MAN1A1: variants seen among roughly 807,000 people sequenced by gnomAD.
The protein encoded by MAN1A1 is mannosidase alpha class 1A member 1.
In MAN1A1, 29 loss-of-function variants were observed where a neutral mutation model predicts 70.8. That is an observed-to-expected ratio of 0.41 (90% CI 0.31 to 0.56). The LOEUF (loss-of-function observed/expected upper bound fraction) is 0.56, where lower values mean the gene tolerates loss of function less well. MAN1A1 is among the 20% of genes least tolerant of loss of function. The pLI, the probability that MAN1A1 is intolerant of heterozygous loss-of-function variation, is 0.29. For missense variants in MAN1A1, 747 were observed against 841.3 expected, an observed-to-expected ratio of 0.89 and a Z score of 1.39; for synonymous variants, 349 against 330.1, an observed-to-expected ratio of 1.06 and a Z score of -0.62.
At chr6:119,223,991 C>G (rs1313095423) in intron 6 of MAN1A1, among the ~76,000 whole-genome samples, 2 of 152,066 alleles carry the variant, frequency 1.3e-5, no homozygotes, top group African/African-American at 2.4e-5. Flanking sequence ...TTAAAAAAAT[C>G]TGATTTTAAA....
chr6:119,294,414 G>A (rs1458975598), intron 4 of MAN1A1, among the ~76,000 whole-genome samples: 1 of 152,106 alleles, frequency 6.6e-6, no homozygotes, highest in Non-Finnish European at 1.5e-5. Context: ...AAAGCAGCCT[G>A]TAACACTAAA....
intron 6 of MAN1A1, among the ~76,000 whole-genome samples, chr6:119,229,791 C>T (rs1345097634): frequency 6.6e-6 from 1 of 152,116 alleles, no homozygotes; most frequent in Non-Finnish European, 1.5e-5. Flanking sequence ...CATATATCTG[C>T]CCGTTCTGAC....
chr6:119,247,622 G>T (rs1468216978), intron 6 of MAN1A1, among the ~76,000 whole-genome samples: 2 of 152,164 alleles, frequency 1.3e-5, no homozygotes, highest in Non-Finnish European at 2.9e-5. Flanking sequence ...CAGAAAGTCT[G>T]TTCAGCCTGG....
rs138971425 is a variant in MAN1A1 at position 119,316,216 on chromosome 6, T to C, written c.604-9224A>G. ...TTTTGAGATGGAGTTTTGCTCTTGT[T>C]GCCCAGGCTGGAATGCAGTGGCGCG... On this transcript the variant is annotated intron_variant, in intron 2 of 12. Coordinates refer to ENST00000368468, the MANE Select transcript of MAN1A1 (RefSeq NM_005907.4). Among the ~76,000 whole-genome samples, 760 of 151,098 alleles carry C rather than the reference T, an allele frequency of 5.0e-3. 28 individuals carry two copies. In the East Asian group the frequency reaches 0.084, roughly 17 times the overall value.
At chr6:119,232,372 CAAA>C (rs71015028) in intron 6 of MAN1A1, among the ~76,000 whole-genome samples, 3 of 89,376 alleles carry the variant, frequency 3.4e-5, no homozygotes, top group Non-Finnish European at 4.2e-5. Flanking sequence ...GACTCTGTCT[CAAA>C]AAAAAAAAAA....
rs1319289412 is a variant in MAN1A1, at chr6:119,243,985, T to C, written c.992+4275A>G. On this transcript the variant is annotated intron_variant, in intron 6 of 12. Transcript: ENST00000368468. ...TACAGAGAAGTGATAAAATAGTGTA[T>C]AGCTAAAACTAACTCATTTATCAAG... Among the ~76,000 whole-genome samples, 5 of 152,170 alleles carry C rather than the reference T, an allele frequency of 3.3e-5. No homozygotes were observed. In the East Asian group the frequency reaches 7.7e-4, roughly 23 times the overall value.
chr6:119,316,555 A>T (rs1372410762), intron 2 of MAN1A1, among the ~76,000 whole-genome samples: 1 of 152,096 alleles, frequency 6.6e-6, no homozygotes. Flanking sequence ...AACAAATACT[A>T]TTTTCATGTA....
intron 2 of MAN1A1, among the ~76,000 whole-genome samples, chr6:119,319,979 CTTTTTT>C (rs951470006): frequency 6.8e-6 from 1 of 146,340 alleles, no homozygotes; most frequent in East Asian, 2.0e-4. Context: ...GTGGTATCTT[CTTTTTT>C]TTTTTAAGAG....
At chr6:119,334,378 A>G (rs527288570) in intron 2 of MAN1A1, among the ~76,000 whole-genome samples, 1 of 152,366 alleles carries the variant, frequency 6.6e-6, no homozygotes, top group Non-Finnish European at 1.5e-5. Flanking sequence ...AAATACTTTA[A>G]AAGTTAAAAA....
intron 6 of MAN1A1, among the ~76,000 whole-genome samples, chr6:119,242,404 T>C (rs1474383352): frequency 1.3e-5 from 2 of 152,094 alleles, no homozygotes; most frequent in African/African-American, 4.8e-5. Flanking sequence ...TAAACCACAT[T>C]GAGACATTCT....
intron 6 of MAN1A1, among the ~76,000 whole-genome samples, chr6:119,223,531 T>C (rs1774423294): frequency 6.6e-6 from 1 of 152,172 alleles, no homozygotes. Context: ...AATTCATTTC[T>C]AGAAATTTGC....
Position 119,320,267 on chromosome 6 carries a change from C to T in MAN1A1, c.604-13275G>A, listed in dbSNP as rs868848776. Among the ~76,000 whole-genome samples the T allele has an allele frequency of 3.3e-5, 5 of 152,228 alleles. No individual in the cohort carries two copies. In the East Asian group the frequency reaches 7.7e-4, roughly 24 times the overall value. On this transcript the variant is annotated intron_variant, in intron 2 of 12. Coordinates refer to ENST00000368468, the MANE Select transcript of MAN1A1 (RefSeq NM_005907.4). ...GATTACAGGCATGAGCCACTGTGCC[C>T]GGCCAGTATCTTCTCTTAAGGATGG...
chr6:119,222,389 T>TCAC (rs1241983809), intron 6 of MAN1A1, among the ~76,000 whole-genome samples: 1 of 149,750 alleles, frequency 6.7e-6, no homozygotes, highest in East Asian at 2.0e-4. Flanking sequence ...TGCAGTGGTG[T>TCAC]GGTCATGGCT....
Position 119,222,765 on chromosome 6 carries a change from AT to A in MAN1A1, c.993-17884del, listed in dbSNP as rs544264440. 3.3e-5 allele frequency among the ~76,000 whole-genome samples: 5 copies of A among 152,350 alleles called. No individual in the cohort carries two copies. The South Asian group carries it at 1.0e-3, about 32-fold the overall frequency. On this transcript the variant is annotated intron_variant, in intron 6 of 12. Coordinates refer to ENST00000368468, the MANE Select transcript of MAN1A1 (RefSeq NM_005907.4). ...CAAAATTGCCTTTAAAATGTTATTT[AT>A]ATAATCACAGCTGAAATCCTGGGCA...
At chr6:119,238,968 G>A (rs930311138) in intron 6 of MAN1A1, among the ~76,000 whole-genome samples, 1 of 152,020 alleles carries the variant, frequency 6.6e-6, no homozygotes, top group Non-Finnish European at 1.5e-5. Flanking sequence ...TCGGCTCACT[G>A]CAAGTTCCGC....
intron 6 of MAN1A1, among the ~76,000 whole-genome samples, chr6:119,211,944 C>T (rs1215132692): frequency 2.6e-5 from 4 of 151,346 alleles, no homozygotes; most frequent in Non-Finnish European, 4.4e-5. Flanking sequence ...CAGGTTCAAG[C>T]AATTCTCCTG....
intron 5 of MAN1A1, among the ~76,000 whole-genome samples, chr6:119,274,799 T>C (rs1246577339): frequency 6.6e-6 from 1 of 152,204 alleles, no homozygotes; most frequent in Non-Finnish European, 1.5e-5. Context: ...AAAGTTTTTG[T>C]TATATGTACT....
At position 119,316,500 on chromosome 6, in the gene MAN1A1, G is replaced by A. The variant is rs984854022; in HGVS notation, c.604-9508C>T. Among the ~76,000 whole-genome samples, 13 of 152,200 alleles carry A rather than the reference G, an allele frequency of 8.5e-5. 1 individual carries two copies. The South Asian group carries it at 1.9e-3, about 22-fold the overall frequency. Reference sequence around the variant, plus strand: ...TATTCCTTGCTGGGATATCACAGATGCTCCCTTAATATCCTAAGGAGAGCT... The same window carrying A: ...TATTCCTTGCTGGGATATCACAGATACTCCCTTAATATCCTAAGGAGAGCT... On this transcript the variant is annotated intron_variant, in intron 2 of 12. Coordinates refer to ENST00000368468, the MANE Select transcript of MAN1A1 (RefSeq NM_005907.4).
At chr6:119,287,566 G>A (rs1776411325) in intron 5 of MAN1A1, among the ~76,000 whole-genome samples, 1 of 151,684 alleles carries the variant, frequency 6.6e-6, no homozygotes, top group Admixed American at 6.6e-5. Flanking sequence ...ATAGAGGAAG[G>A]CTATTGTTAA....
Sources: allele counts gnomAD v4.1 joint callset (sites outside exome capture counted in the v4.1 genomes callset), GRCh38; gene constraint gnomAD v4.1.1; transcripts MANE v1.5; gene names NCBI Gene and HGNC (gene_info 2026-07-23, HGNC 2026-07-21).